RNF213: variants seen among roughly 807,000 people sequenced by gnomAD.
RNF213 encodes the protein E3 ubiquitin-protein ligase RNF213.
In RNF213, 341 loss-of-function variants were observed where a neutral mutation model predicts 514.4. That is an observed-to-expected ratio of 0.66 (90% CI 0.61 to 0.73). RNF213 has a LOEUF of 0.73. Among genes scored for constraint, RNF213 ranks in the 30% least tolerant of loss-of-function variants. The probability of loss-of-function intolerance (pLI) is 0.00; values close to 1 mark genes in which losing one functional copy is unlikely to be tolerated. For synonymous variants in RNF213, 2,655 were observed against 2,658.2 expected, an observed-to-expected ratio of 1.00 and a Z score of 0.04; for missense variants, 5,767 against 6,615.6, an observed-to-expected ratio of 0.87 and a Z score of 4.45.
At position 80,389,914 on chromosome 17, in the gene RNF213, C is replaced by T. The variant is rs757630871; in HGVS notation, c.15282C>T (p.His5094=). The T allele has an allele frequency of 3.7e-6, 6 of 1,614,180 alleles. No homozygotes were observed. The highest frequency in any genetic ancestry group is 5.1e-6 in the Non-Finnish European group (6 of 1,180,002). The change falls in exon 66 of 68, where the codon CAC becomes CAT. Residue 5094 remains histidine (H), a synonymous_variant. Transcript: ENST00000582970. Reference sequence around the variant, plus strand: ...AGTCTGAACAGCTGCTGCGGCTGCACAAAGTAAGTCTGGTCTCTTCCTCTC... The same window carrying T: ...AGTCTGAACAGCTGCTGCGGCTGCATAAAGTAAGTCTGGTCTCTTCCTCTC... ...AHKSEQLLRL[H]KEPFGEISSR...
chr17:80,271,642 C>G (rs539458718), intron 2 of RNF213, among the ~76,000 whole-genome samples: 2 of 152,298 alleles, frequency 1.3e-5, no homozygotes, highest in East Asian at 3.9e-4. Flanking sequence ...AGGGTGTTTT[C>G]GTCCATTTTC....
chr17:80,319,980 C>A (rs1300039805), intron 17 of RNF213: 2 of 1,032,432 alleles, frequency 1.9e-6, no homozygotes, highest in African/African-American at 1.7e-5. Context: ...GTGACTGATA[C>A]CTTTGATAAG....
At chr17:80,318,551 T>C (rs1008495982) in intron 16 of RNF213, among the ~76,000 whole-genome samples, 1 of 152,150 alleles carries the variant, frequency 6.6e-6, no homozygotes, top group African/African-American at 2.4e-5. Flanking sequence ...AATTAGTTTT[T>C]ATGTGATATG....
At chr17:80,368,283 C>T in intron 44 of RNF213, 140 bp downstream of exon 44, 1 of 857,048 alleles carries the variant, frequency 1.2e-6, no homozygotes, top group East Asian at 2.5e-5. Context: ...AGAGACGCCA[C>T]TTACGTACTT....
chr17:80,307,362 GT>G (rs58826434), intron 13 of RNF213, among the ~76,000 whole-genome samples, 161 bp downstream of exon 13: 46 of 113,704 alleles, frequency 4.0e-4, no homozygotes, highest in South Asian at 6.0e-4. Flanking sequence ...ATTGTCGTCT[GT>G]TTTTTTTTTT....
At chr17:80,298,271 A>T (rs1343842137) in intron 10 of RNF213, 50 bp from the exon 11 acceptor site, 2 of 1,577,902 alleles carry the variant, frequency 1.3e-6, no homozygotes, top group Non-Finnish European at 1.7e-6. Flanking sequence ...TCCCAGGGAG[A>T]TGACTCCCTG....
chr17:80,300,587 T>C (rs1315856097), intron 11 of RNF213, among the ~76,000 whole-genome samples: 1 of 151,954 alleles, frequency 6.6e-6, no homozygotes, highest in Non-Finnish European at 1.5e-5. Context: ...GGAGTTTCGC[T>C]TTATCACCCA....
intron 3 of RNF213, among the ~76,000 whole-genome samples, chr17:80,275,174 G>A (rs956842945): frequency 6.7e-6 from 1 of 150,320 alleles, no homozygotes; most frequent in Non-Finnish European, 1.5e-5. Context: ...TGAGTGGGAT[G>A]TGTGTGTATG....
At chr17:80,328,179 T>C (rs1295885341) in intron 19 of RNF213, 149 bp from the exon 20 acceptor site, 4 of 1,136,236 alleles carry the variant, frequency 3.5e-6, no homozygotes, top group East Asian at 5.2e-5. Flanking sequence ...AGTGATAAAA[T>C]AATGGCCATC....
At chr17:80,269,657 A>G (rs74769342) in intron 2 of RNF213, among the ~76,000 whole-genome samples, 8,480 of 150,808 alleles carry the variant, frequency 0.056, 775 homozygotes, top group African/African-American at 0.19. Flanking sequence ...TTCATCCATC[A>G]ATCTATCCAT....
intron 28 of RNF213, 88 bp downstream of exon 28, chr17:80,344,103 C>A: frequency 7.1e-7 from 1 of 1,407,484 alleles, no homozygotes. Flanking sequence ...GTTTAGGAGA[C>A]TCCACATCTT....
chr17:80,297,174 G>A (rs879383243), intron 10 of RNF213, among the ~76,000 whole-genome samples: 128 of 151,904 alleles, frequency 8.4e-4, no homozygotes, highest in African/African-American at 2.8e-3. Context: ...TTTTGGGGCC[G>A]GGCACGGTGG....
chr17:80,386,204 G>C (rs2080229146), intron 61 of RNF213, 46 bp from the exon 62 acceptor site: 10 of 1,576,728 alleles, frequency 6.3e-6, no homozygotes, highest in African/African-American at 1.3e-5. Flanking sequence ...GATTCTGTGA[G>C]GAGTTGGAAC....
At chr17:80,281,618 T>TCACACCCAACACA (rs2044300698) in intron 3 of RNF213, among the ~76,000 whole-genome samples, 2 of 45,838 alleles carry the variant, frequency 4.4e-5, no homozygotes, top group Admixed American at 2.5e-4. Flanking sequence ...CTCACACCAC[T>TCACACCCAACACA]CACACACACC....
intron 37 of RNF213, among the ~76,000 whole-genome samples, chr17:80,359,524 CAAAAAAAA>C (rs559552051): frequency 1.2e-4 from 4 of 32,486 alleles, no homozygotes; most frequent in Non-Finnish European, 1.5e-4. Flanking sequence ...GACTCTATCT[CAAAAAAAA>C]AAAAAAAAAA....
At position 80,353,145 on chromosome 17, in the gene RNF213, G is replaced by A; in HGVS notation, c.10423+86G>A. On this transcript the variant is annotated intron_variant, in intron 33 of 67. Coordinates refer to ENST00000582970, the MANE Select transcript of RNF213 (RefSeq NM_001256071.3). This position sits in a 1 kb window ranked among gnomAD's most constrained non-coding sequence, Gnocchi z 5.0. ...GAGCGTGGCGTGCACATGGCACTAG[G>A]AGCAGGGCCACCGTGTTTCGTCCCT... The A allele has an allele frequency of 6.4e-7, 1 of 1,558,950 alleles. No individual in the cohort carries two copies. The highest frequency in any genetic ancestry group is 8.8e-7 in the Non-Finnish European group (1 of 1,142,758).
intron 11 of RNF213, among the ~76,000 whole-genome samples, chr17:80,301,838 A>G (rs1285562833): frequency 6.6e-6 from 1 of 152,210 alleles, no homozygotes; most frequent in Non-Finnish European, 1.5e-5. Context: ...CTGCACTCCT[A>G]TATTTATCGT....
rs145606699 is a variant in RNF213 at position 80,269,151 on chromosome 17, C to T, written c.98-4090C>T. ...CCTTCTGCCTGCTTTGTTCTAGCCA[C>T]GCTGGCAGCTGACTGGATGCTGCCC... is the stretch of plus-strand genomic sequence containing the variant. On this transcript the variant is annotated intron_variant, in intron 2 of 67. Coordinates refer to ENST00000582970, the MANE Select transcript of RNF213 (RefSeq NM_001256071.3). Among the ~76,000 whole-genome samples the T allele has an allele frequency of 3.7e-3, 564 of 152,290 alleles. 2 individuals are homozygous for T. The highest frequency in any genetic ancestry group is 0.027 in the Middle Eastern group (8 of 294).
intron 15 of RNF213, 35 bp downstream of exon 15, chr17:80,313,202 G>A: frequency 1.2e-6 from 2 of 1,613,310 alleles, no homozygotes; most frequent in East Asian, 2.2e-5. Context: ...GGGTAGGGAT[G>A]TGACTGATCG....
Sources: allele counts gnomAD v4.1 joint callset (sites outside exome capture counted in the v4.1 genomes callset), GRCh38; gene constraint gnomAD v4.1.1; non-coding constraint Gnocchi (gnomAD v3.1); transcripts MANE v1.5; gene names NCBI Gene and HGNC (gene_info 2026-07-23, HGNC 2026-07-21).